Variants in MAGI1 observed in about 807,000 individuals in gnomAD.
MAGI1 encodes membrane associated guanylate kinase, WW and PDZ domain containing 1.
A neutral mutation model predicts 139.9 loss-of-function variants in MAGI1; 58 were observed. The ratio of observed to expected loss-of-function variants is 0.41; its 90% CI spans 0.34 to 0.52. The LOEUF (loss-of-function observed/expected upper bound fraction) is 0.52, where lower values mean the gene tolerates loss of function less well. Ranked by LOEUF, MAGI1 falls within the 20% of genes least tolerant of loss-of-function variation. The pLI, the probability that MAGI1 is intolerant of heterozygous loss-of-function variation, is 0.12. For synonymous variants in MAGI1, 812 were observed against 737.9 expected, an observed-to-expected ratio of 1.10 and a Z score of -1.63; for missense variants, 1,874 against 1,901.6, an observed-to-expected ratio of 0.99 and a Z score of 0.27.
intron 9 of MAGI1, among the ~76,000 whole-genome samples, chr3:65,437,531 A>G (rs1332660851): frequency 6.6e-6 from 1 of 152,124 alleles, no homozygotes; most frequent in African/African-American, 2.4e-5. Context: ...CAGGAAAGAC[A>G]TACAGTCAAC....
chr3:66,002,882 A>G (rs548548406), intron 1 of MAGI1, among the ~76,000 whole-genome samples: 5 of 152,300 alleles, frequency 3.3e-5, no homozygotes, highest in Admixed American at 3.3e-4. Context: ...ATTTTCAGGT[A>G]CAACAAGCAT....
intron 1 of MAGI1, among the ~76,000 whole-genome samples, chr3:65,706,887 C>T (rs1203318915): frequency 3.3e-5 from 5 of 152,174 alleles, no homozygotes; most frequent in Admixed American, 3.3e-4. Context: ...CACTGAAAGA[C>T]TTTATTCAGG....
At chr3:65,719,368 A>C (rs1186063397) in intron 1 of MAGI1, among the ~76,000 whole-genome samples, 1 of 151,678 alleles carries the variant, frequency 6.6e-6, no homozygotes, top group Admixed American at 6.6e-5. Context: ...GATATTATAC[A>C]ATGTTTAATG....
chr3:65,545,601 A>G (rs2079454373), intron 2 of MAGI1, among the ~76,000 whole-genome samples: 1 of 152,182 alleles, frequency 6.6e-6, no homozygotes, highest in Admixed American at 6.5e-5. Flanking sequence ...GATGACTCAT[A>G]TTCTAGCCAT....
intron 1 of MAGI1, among the ~76,000 whole-genome samples, chr3:66,031,525 A>G (rs1191247642): frequency 6.6e-6 from 1 of 152,164 alleles, no homozygotes; most frequent in African/African-American, 2.4e-5. Context: ...ACAGCCAATG[A>G]CAAGGGGTGG....
chr3:65,567,718 C>G (rs1398257579), intron 2 of MAGI1, among the ~76,000 whole-genome samples: 1 of 152,042 alleles, frequency 6.6e-6, no homozygotes, highest in Admixed American at 6.6e-5. Flanking sequence ...CACTTGTAAT[C>G]CTAGCTACTT....
At chr3:65,483,149 AT>A (rs541479640) in intron 3 of MAGI1, among the ~76,000 whole-genome samples, 23 of 152,358 alleles carry the variant, frequency 1.5e-4, no homozygotes, top group African/African-American at 5.5e-4. Context: ...GAGTGAATTG[AT>A]TTTTGGAGAG....
intron 2 of MAGI1, among the ~76,000 whole-genome samples, chr3:65,561,469 G>A (rs2080343004): frequency 1.3e-5 from 2 of 152,070 alleles, no homozygotes; most frequent in East Asian, 1.9e-4. Context: ...AATTCAAGGA[G>A]GTGCTTAACT....
rs13327705 is a variant in MAGI1 at position 65,397,130 on chromosome 3, C to T, written c.2199+4309G>A. On this transcript the variant is annotated intron_variant, in intron 13 of 22. Transcript: ENST00000402939. ...TACTCTCACTGTTTCTTCTTGTAGG[C>T]TGTAGAAGCTTTGATGGGATCAATC... Among the ~76,000 whole-genome samples the T allele has an allele frequency of 9.7e-3, 1,480 of 152,254 alleles. 23 individuals carry two copies. Among genetic ancestry groups the T allele is most frequent in the African/African-American group, 0.034 (1,406 of 41,542 alleles).
intron 1 of MAGI1, among the ~76,000 whole-genome samples, chr3:65,760,388 AT>A (rs5849690): frequency 0.22 from 31,437 of 144,964 alleles, 3,751 homozygotes; most frequent in East Asian, 0.45. Context: ...CAGAGCGGTA[AT>A]TTTTTTTTTT....
chr3:65,688,806 G>A (rs986882436), intron 1 of MAGI1, among the ~76,000 whole-genome samples: 4 of 152,126 alleles, frequency 2.6e-5, no homozygotes, highest in African/African-American at 4.8e-5. Context: ...TTAGCAGGAT[G>A]AATTATCTAT....
intron 2 of MAGI1, among the ~76,000 whole-genome samples, chr3:65,515,645 C>G (rs2077831916): frequency 6.6e-6 from 1 of 152,130 alleles, no homozygotes; most frequent in Non-Finnish European, 1.5e-5. Context: ...CCCCACCATC[C>G]AGAAATAAAC....
At chr3:65,850,146 A>AT (rs1264153399) in intron 1 of MAGI1, among the ~76,000 whole-genome samples, 10 of 152,098 alleles carry the variant, frequency 6.6e-5, no homozygotes, top group East Asian at 3.8e-4. Context: ...TTATATATAT[A>AT]AAAAAATAGT....
intron 1 of MAGI1, among the ~76,000 whole-genome samples, chr3:65,637,748 A>G (rs1016292112): frequency 7.9e-5 from 12 of 152,200 alleles, no homozygotes; most frequent in Non-Finnish European, 1.3e-4. Flanking sequence ...AGGGCTGGGA[A>G]CACAGGTACG....
chr3:65,721,233 A>G (rs1333292756), intron 1 of MAGI1, among the ~76,000 whole-genome samples: 2 of 152,156 alleles, frequency 1.3e-5, no homozygotes, highest in Non-Finnish European at 2.9e-5. Context: ...ACACACACAT[A>G]CATATTTTGT....
intron 1 of MAGI1, among the ~76,000 whole-genome samples, chr3:65,679,231 T>C (rs546326832): frequency 2.0e-5 from 3 of 152,304 alleles, no homozygotes; most frequent in East Asian, 1.9e-4. Context: ...TTGTGTTTGA[T>C]ATATGAATTC....
chr3:65,418,904 C>A (rs1480055478), intron 12 of MAGI1, among the ~76,000 whole-genome samples: 3 of 152,242 alleles, frequency 2.0e-5, no homozygotes, highest in Non-Finnish European at 4.4e-5. Flanking sequence ...CCCCTGCAGG[C>A]CTCCACCTCT....
At chr3:65,996,238 T>TA (rs1309940086) in intron 1 of MAGI1, among the ~76,000 whole-genome samples, 6 of 151,832 alleles carry the variant, frequency 4.0e-5, no homozygotes, top group South Asian at 4.2e-4. Context: ...TTAAGGAGGA[T>TA]AAAAAAAATG....
chr3:65,538,211 A>C (rs1421901321), intron 2 of MAGI1, among the ~76,000 whole-genome samples: 1 of 152,192 alleles, frequency 6.6e-6, no homozygotes, highest in African/African-American at 2.4e-5. Context: ...CCACTAACTT[A>C]TAGGTTGGAG....
Sources: gnomAD v4.1 joint callset for allele counts (sites outside exome capture counted in the v4.1 genomes callset) on GRCh38, gnomAD v4.1.1 for gene constraint, MANE v1.5 for transcripts, NCBI Gene and HGNC (gene_info 2026-07-23, HGNC 2026-07-21) for gene names.